DZANK1: variants seen among roughly 807,000 people sequenced by gnomAD.
DZANK1 encodes the protein double zinc ribbon and ankyrin repeat domains 1, also known as double zinc ribbon and ankyrin repeat-containing protein 1.
In DZANK1, 91 loss-of-function variants were observed where a neutral mutation model predicts 94.5. The ratio of observed to expected loss-of-function variants is 0.96; its 90% CI spans 0.81 to 1.15. The LOEUF (loss-of-function observed/expected upper bound fraction) is 1.15. Ranked by LOEUF, DZANK1 falls within the 50% of genes most tolerant of loss-of-function variation. The pLI is 0.00. For synonymous variants in DZANK1, 312 were observed against 325.3 expected (o/e 0.96, Z 0.44); for missense variants, 903 against 916.4 (o/e 0.99, Z 0.19).
intron 8 of DZANK1, among the ~76,000 whole-genome samples, chr20:18,439,962 G>T (rs1168184730): frequency 6.6e-6 from 1 of 152,056 alleles, no homozygotes; most frequent in African/African-American, 2.4e-5. Flanking sequence ...CCTTTAAGGA[G>T]GTAATTAAGG....
rs528660322 is a variant in DZANK1, at chr20:18,421,100, C to A, written c.955-5651G>T. The A allele has an allele frequency of 1.5e-4, 24 of 157,396 alleles. No homozygotes were observed. In the South Asian group the frequency reaches 4.7e-3, roughly 31 times the overall value. 9.7% of individuals were successfully genotyped at this position (157,396 alleles called of 1,614,324 possible). A position where few individuals can be genotyped will look rare whatever the true frequency, so the allele number is the denominator to read the frequency against. On this transcript the variant is annotated intron_variant, in intron 10 of 20. Transcript: ENST00000262547. ...TATGCTATTGGAAACCTCACCTCTT[C>A]CTTCTTAAGGGGTTCTACAATATAT...
rs779136857 is a variant in DZANK1, at chr20:18,393,760, AT to A, written c.1759del (p.Ile587Ter). On this transcript the variant is annotated frameshift_variant, in exon 17 of 21. Transcript: ENST00000262547. LOFTEE classifies it high-confidence loss of function. ...AAAAGTTTTGGTCTTGAAATTCTTTATCCTTTTGATTTTTTCAATAGTATCT... is the reference window on the plus strand; with the variant it reads ...AAAAGTTTTGGTCTTGAAATTCTTTACCTTTTGATTTTTTCAATAGTATCT... 6.2e-7 allele frequency: 1 copy of A among 1,613,364 alleles called. No individual in the cohort carries two copies. The highest frequency in any genetic ancestry group is 1.1e-5 in the South Asian group (1 of 91,008).
At chr20:18,455,299 A>G in exon 4 of DZANK1, 1 of 1,610,100 alleles carries the variant, frequency 6.2e-7, no homozygotes, top group African/African-American at 1.3e-5. Context: ...AGGAGAGACT[A>G]TATTTGGTGG....
intron 13 of DZANK1, among the ~76,000 whole-genome samples, chr20:18,406,984 A>T (rs2056995933): frequency 6.6e-6 from 1 of 152,054 alleles, no homozygotes; most frequent in South Asian, 2.1e-4. Flanking sequence ...TGGAAAGGGG[A>T]GGGAAGAGCA....
intron 10 of DZANK1, chr20:18,420,192 T>A: frequency 4.8e-6 from 1 of 206,886 alleles, no homozygotes; most frequent in South Asian, 9.7e-5. Flanking sequence ...GCTTTATGCC[T>A]CAGATGCTCA....
chr20:18,433,156 A>G (rs1297600808), intron 9 of DZANK1: 1 of 155,878 alleles, frequency 6.4e-6, no homozygotes. Context: ...ATCTCTCTTA[A>G]TATTATAGAT....
At chr20:18,427,138 A>G in exon 10 of DZANK1, 1 of 1,612,860 alleles carries the variant, frequency 6.2e-7, no homozygotes. Context: ...CCTGTACCAC[A>G]GGCCCGGCAA....
At chr20:18,416,102 G>A (rs138979119) in intron 10 of DZANK1, among the ~76,000 whole-genome samples, 4 of 152,258 alleles carry the variant, frequency 2.6e-5, no homozygotes, top group East Asian at 3.9e-4. Flanking sequence ...GCACCCTCAC[G>A]TCAGTCCCAC....
chr20:18,465,382 A>T lies in DZANK1; in HGVS notation c.-19-5T>A. 1 of 1,240,746 alleles carries T rather than the reference A, an allele frequency of 8.1e-7. No individual in the cohort carries two copies. Among genetic ancestry groups the T allele is most frequent in the Non-Finnish European group, 1.1e-6 (1 of 900,298 alleles). 76.9% of individuals were successfully genotyped at this position (1,240,746 alleles called of 1,614,324 possible). ...ATTTTCTCTCTCTCTCTCTCTCTCT[A>T]TATATATATACATATAAATTCCAAT... On this transcript the variant is annotated splice_region_variant and splice_polypyrimidine_tract_variant and intron_variant, in intron 1 of 20. Transcript: ENST00000262547.
At position 18,449,106 on chromosome 20, in the gene DZANK1, A is replaced by G. The variant is rs1358061813; in HGVS notation, c.544-37T>C. On this transcript the variant is annotated intron_variant, in intron 6 of 20. Coordinates refer to ENST00000262547, the Ensembl canonical transcript of DZANK1. ...AATATAGGTATAAAGACAGAGTCAT[A>G]TAGTCAAAATAACATGGTAAAGGCT... The G allele has an allele frequency of 2.6e-6, 4 of 1,526,824 alleles. No individual in the cohort carries two copies. The East Asian group carries it at 9.0e-5, about 34-fold the overall frequency. The allele number at this position is 1,526,824 out of a possible 1,614,324, so 94.6% of individuals were successfully genotyped here. A position where few individuals can be genotyped will look rare whatever the true frequency, so the allele number is the denominator to read the frequency against.
Position 18,390,438 on chromosome 20 carries a change from T to C in DZANK1, c.1831A>G (p.Lys611Glu), listed in dbSNP as rs751319759. ...CCTTCCCCCGTGGGTCCGACTTCCT[T>C]CAGCAGGAGTCTGTTTTCAGGCTGC... Residue 611 changes from lysine to glutamate, a missense_variant, in exon 18 of 21, where the codon AAG becomes GAG. Physicochemically the swap from Lys to Glu is moderately conservative, Grantham distance 56. Transcript: ENST00000262547. 2 of 1,613,960 alleles carry C rather than the reference T, an allele frequency of 1.2e-6. No homozygotes were observed. Among genetic ancestry groups the C allele is most frequent in the East Asian group, 2.2e-5 (1 of 44,886 alleles).
chr20:18,452,955 G>C (rs908180611), intron 5 of DZANK1, among the ~76,000 whole-genome samples: 1 of 152,120 alleles, frequency 6.6e-6, no homozygotes, highest in Non-Finnish European at 1.5e-5. Flanking sequence ...CATCTTCCCC[G>C]CTGCATTCTA....
exon 7 of DZANK1, chr20:18,448,990 A>T: frequency 6.2e-7 from 1 of 1,613,092 alleles, no homozygotes; most frequent in Non-Finnish European, 8.5e-7. Flanking sequence ...TTACTTGAGA[A>T]AGTCTGTCTC....
chr20:18,416,361 C>T lies in DZANK1; in HGVS notation c.955-912G>A, dbSNP rs753378298. Among the ~76,000 whole-genome samples the T allele has an allele frequency of 6.6e-5, 10 of 152,286 alleles. No homozygotes were observed. The South Asian group carries it at 1.5e-3, about 22-fold the overall frequency. ...CAAGCTCCACCGGCCAGCTTCCTTC[C>T]GGTCCCACCTTCCTTTCCACTAGAC... On this transcript the variant is annotated intron_variant, in intron 10 of 20. Coordinates refer to ENST00000262547, the Ensembl canonical transcript of DZANK1.
chr20:18,423,354 T>C (rs2057884093), intron 10 of DZANK1, among the ~76,000 whole-genome samples: 1 of 152,238 alleles, frequency 6.6e-6, no homozygotes, highest in South Asian at 2.1e-4. Flanking sequence ...CAATGTTTTA[T>C]AGTTTTTAAT....
chr20:18,455,537 C>T (rs2059256716), intron 3 of DZANK1, among the ~76,000 whole-genome samples, 176 bp from the exon 4 acceptor site: 2 of 152,166 alleles, frequency 1.3e-5, no homozygotes, highest in Admixed American at 1.3e-4. Flanking sequence ...TCCTTTTGGG[C>T]TATTTACTGC....
At chr20:18,430,720 T>A (rs1357935030) in intron 9 of DZANK1, among the ~76,000 whole-genome samples, 2 of 151,966 alleles carry the variant, frequency 1.3e-5, no homozygotes, top group African/African-American at 2.4e-5. Flanking sequence ...GGGCCTGAGG[T>A]AGGAGGATCA....
chr20:18,417,400 A>G (rs1313207180), intron 10 of DZANK1, among the ~76,000 whole-genome samples: 1 of 152,202 alleles, frequency 6.6e-6, no homozygotes, highest in Non-Finnish European at 1.5e-5. Context: ...ACTGAAATCT[A>G]TCTGTAAGAA....
At chr20:18,439,701 C>G (rs532210222) in intron 8 of DZANK1, among the ~76,000 whole-genome samples, 8 of 152,306 alleles carry the variant, frequency 5.3e-5, no homozygotes, top group African/African-American at 1.7e-4. Context: ...TTTAAGGATG[C>G]AGCTGCTCCT....
Sources: gnomAD v4.1 joint callset for allele counts (sites outside exome capture counted in the v4.1 genomes callset) on GRCh38, gnomAD v4.1.1 for gene constraint, MANE v1.5 for transcripts, NCBI Gene and HGNC (gene_info 2026-07-23, HGNC 2026-07-21) for gene names.